FAR2: variants seen among roughly 807,000 people sequenced by gnomAD.
FAR2 encodes fatty acyl-CoA reductase 2.
Under a neutral mutation model 56.0 loss-of-function variants are expected in FAR2, and 19 were observed. The ratio of observed to expected loss-of-function variants is 0.34; its 90% confidence interval spans 0.24 to 0.50. The LOEUF (loss-of-function observed/expected upper bound fraction) is 0.50. FAR2 is among the 20% of genes least tolerant of loss of function. The pLI, the probability that FAR2 is intolerant of heterozygous loss-of-function variation, is 0.98. For synonymous variants in FAR2, 219 were observed against 218.8 expected (o/e 1.00, Z -0.01); for missense variants, 508 against 642.2 (o/e 0.79, Z 2.26).
chr12:29,311,031 G>A lies in FAR2; in HGVS notation c.772G>A (p.Gly258Arg). ...NGPNGIIIAT[G>R]KGFLRAIKAT... is the part of the protein sequence containing the mutation. ...TTATGTTCTTTTTCCTATGCAGACT[G>A]GGAAAGGGTTTCTTCGGGCCATAAA... Residue 258 changes from glycine (G) to arginine (R), a missense_variant, in exon 7 of 12, where the codon GGG becomes AGG. Physicochemically the swap from Gly to Arg is moderately radical, Grantham distance 125. Coordinates refer to ENST00000536681, the MANE Select transcript of FAR2 (RefSeq NM_001271783.2). 1 of 1,611,150 alleles carries A rather than the reference G, an allele frequency of 6.2e-7. No individual in the cohort carries two copies.
chr12:29,216,380 C>T (rs1947621832), intron 1 of FAR2, among the ~76,000 whole-genome samples: 1 of 152,138 alleles, frequency 6.6e-6, no homozygotes, highest in Non-Finnish European at 1.5e-5. Context: ...GGTTGTTGTC[C>T]TTTAGGGCTT....
chr12:29,173,560 A>AT (rs1207738609), intron 1 of FAR2, among the ~76,000 whole-genome samples: 1 of 152,062 alleles, frequency 6.6e-6, no homozygotes, highest in African/African-American at 2.4e-5. Flanking sequence ...TCAGGTGACC[A>AT]TTTTTCTCCA....
chr12:29,232,931 A>G (rs1460423204), intron 1 of FAR2, among the ~76,000 whole-genome samples: 2 of 151,942 alleles, frequency 1.3e-5, no homozygotes, highest in Admixed American at 1.3e-4. Context: ...TCAACTCTGG[A>G]ATCTTGAATT....
intron 1 of FAR2, among the ~76,000 whole-genome samples, chr12:29,206,407 G>T (rs1947478559): frequency 6.6e-6 from 1 of 152,186 alleles, no homozygotes; most frequent in African/African-American, 2.4e-5. Flanking sequence ...CCAGATGCTG[G>T]CATATATTTA....
intron 1 of FAR2, among the ~76,000 whole-genome samples, chr12:29,170,352 G>GGAT (rs1949873175): frequency 5.3e-5 from 8 of 152,224 alleles, no homozygotes; most frequent in Non-Finnish European, 1.2e-4. Flanking sequence ...TAGGAAACCT[G>GGAT]CTGGGTTAAG....
intron 1 of FAR2, among the ~76,000 whole-genome samples, chr12:29,189,144 C>T (rs1030816758): frequency 3.3e-5 from 5 of 152,104 alleles, no homozygotes; most frequent in South Asian, 2.1e-4. Flanking sequence ...CCGCATCTCC[C>T]GGAAAGGGGA....
At chr12:29,196,511 C>T (rs1051433197) in intron 1 of FAR2, among the ~76,000 whole-genome samples, 17 of 152,108 alleles carry the variant, frequency 1.1e-4, no homozygotes, top group African/African-American at 3.6e-4. Context: ...CTGTTCATGT[C>T]CTTTGCCTAC....
At chr12:29,303,566 A>G (rs1031022130) in intron 4 of FAR2, among the ~76,000 whole-genome samples, 4 of 152,166 alleles carry the variant, frequency 2.6e-5, no homozygotes, top group Non-Finnish European at 2.9e-5. Context: ...TGCAGGTGTG[A>G]GAGGCAGGGG....
chr12:29,311,143 A>T lies in FAR2; in HGVS notation c.884A>T (p.His295Leu). Residue 295 changes from histidine to leucine, a missense_variant, in exon 7 of 12, where the codon CAC becomes CTC. Physicochemically the swap from His to Leu is moderately conservative, Grantham distance 99 (BLOSUM62 -3). Transcript: ENST00000536681. Reference sequence around the variant, plus strand: ...GCTGTAGGATGGTATACTGCAGTTCACAGGTGTGGATGCTCAAGTGGGCTT... The same window carrying T: ...GCTGTAGGATGGTATACTGCAGTTCTCAGGTGTGGATGCTCAAGTGGGCTT... The part of the protein sequence containing the change: ...MLAVGWYTAV[H>L]RPKSTLVYHI... 6.2e-7 allele frequency: 1 copy of T among 1,608,308 alleles called. No individual in the cohort carries two copies. Among genetic ancestry groups the T allele is most frequent in the Non-Finnish European group, 8.5e-7 (1 of 1,174,902 alleles).
Position 29,332,626 on chromosome 12 carries a change from G to A in FAR2, c.1284G>A (p.Leu428=), listed in dbSNP as rs151147295. Residue 428 remains leucine, a synonymous_variant, in exon 11 of 12, where the codon TTG becomes TTA. Transcript: ENST00000536681. ...QRVFNFDVRQ[L]NWLEYIENYV... ...TATTCAACTTTGACGTGCGCCAGTT[G>A]AACTGGTTGGAATACATTGAAAATT... The A allele has an allele frequency of 3.0e-4, 477 of 1,613,734 alleles. 2 individuals carry two copies. The African/African-American group carries it at 5.5e-3, about 19-fold the overall frequency.
intron 2 of FAR2, among the ~76,000 whole-genome samples, chr12:29,274,458 G>A (rs1948672252): frequency 6.6e-6 from 1 of 151,942 alleles, no homozygotes; most frequent in African/African-American, 2.4e-5. Context: ...GGACATTTGG[G>A]TTGGTTCCAA....
At chr12:29,151,393 CAGG>C (rs1481736882) in intron 1 of FAR2, 1 of 145,576 alleles carries the variant, frequency 6.9e-6, no homozygotes, top group African/African-American at 2.8e-5. Flanking sequence ...CCTACAATTT[CAGG>C]AGTTCATGGC....
chr12:29,175,893 C>T (rs920882867), intron 1 of FAR2, among the ~76,000 whole-genome samples: 1 of 152,198 alleles, frequency 6.6e-6, no homozygotes, highest in Non-Finnish European at 1.5e-5. Flanking sequence ...TTCAAGTCCC[C>T]ACTCGACCCA....
chr12:29,228,600 GT>G (rs1947805552), intron 1 of FAR2, among the ~76,000 whole-genome samples: 1 of 152,096 alleles, frequency 6.6e-6, no homozygotes, highest in Non-Finnish European at 1.5e-5. Context: ...GTGTTTGTTT[GT>G]TTTTACAGTC....
chr12:29,312,769 T>C (rs901025415), intron 8 of FAR2, among the ~76,000 whole-genome samples: 3 of 152,174 alleles, frequency 2.0e-5, no homozygotes, highest in African/African-American at 4.8e-5. Context: ...TACTACCTAC[T>C]AATGCACACT....
chr12:29,284,095 T>C (rs911157075), intron 2 of FAR2, among the ~76,000 whole-genome samples: 3 of 152,212 alleles, frequency 2.0e-5, no homozygotes, highest in African/African-American at 7.2e-5. Context: ...CTACTCTCAA[T>C]AATTCCTTAA....
intron 10 of FAR2, among the ~76,000 whole-genome samples, chr12:29,328,887 TATA>T (rs1442527822): frequency 1.3e-5 from 2 of 151,562 alleles, no homozygotes; most frequent in East Asian, 1.9e-4. Flanking sequence ...AAACTTAAAA[TATA>T]ATAATAATTA....
At chr12:29,295,784 C>T (rs1225033772) in intron 3 of FAR2, among the ~76,000 whole-genome samples, 2 of 90,304 alleles carry the variant, frequency 2.2e-5, no homozygotes, top group East Asian at 4.0e-4. Flanking sequence ...TTTTTTGAGA[C>T]GGAGTCTCGC....
intron 4 of FAR2, among the ~76,000 whole-genome samples, chr12:29,302,324 G>A (rs1949186334): frequency 6.6e-6 from 1 of 151,622 alleles, no homozygotes; most frequent in African/African-American, 2.4e-5. Context: ...AATAGAACAC[G>A]GCAGAATTAT....
Sources: allele counts gnomAD v4.1 joint callset (sites outside exome capture counted in the v4.1 genomes callset), GRCh38; gene constraint gnomAD v4.1.1; transcripts MANE v1.5; gene names NCBI Gene and HGNC (gene_info 2026-07-23, HGNC 2026-07-21).